Variants in TMPRSS9 observed in about 807,000 individuals in gnomAD.
TMPRSS9 encodes transmembrane protease serine 9.
Under a neutral mutation model 111.4 loss-of-function variants are expected in TMPRSS9, and 113 were observed. That is an observed-to-expected ratio of 1.01 (90% CI 0.87 to 1.19). TMPRSS9 has a LOEUF of 1.19. TMPRSS9 is among the 50% of genes most tolerant of loss of function. TMPRSS9 has a pLI of 0.00. For missense variants in TMPRSS9, 1,803 were observed against 1,513.1 expected (o/e 1.19, Z -3.18); for synonymous variants, 805 against 659.1 (o/e 1.22, Z -3.39).
In TMPRSS9 at chr19:2,361,475, C is replaced by T. The variant is rs1057073520; in HGVS notation, c.-26+1115C>T. ...ACCCTCGGAGCCGCTTCTGAGTAAA[C>T]ACACACTGGGATGTAACAATTGGAG... On this transcript the variant is annotated intron_variant, in intron 1 of 17. Transcript: ENST00000649857. 1.1e-3 allele frequency among the ~76,000 whole-genome samples: 172 copies of T among 152,082 alleles called. 4 individuals are homozygous for T. In the East Asian group the frequency reaches 0.033, roughly 29 times the overall value.
In TMPRSS9 at chr19:2,425,352, C is replaced by A; in HGVS notation, c.2984-5C>A. ...ACCCGCCCCGTCTCGCTCGCCCGCC[C>A]GCAGGCTCCATGGCGCGGCAGCTGC... On this transcript the variant is annotated splice_polypyrimidine_tract_variant and splice_region_variant and intron_variant, in intron 16 of 17. Coordinates refer to ENST00000648592, the Ensembl canonical transcript of TMPRSS9. The A allele has an allele frequency of 6.7e-7, 1 of 1,490,950 alleles. No homozygotes were observed. The highest frequency in any genetic ancestry group is 8.9e-7 in the Non-Finnish European group (1 of 1,126,674). 92.4% of individuals were successfully genotyped at this position (1,490,950 alleles called of 1,614,324 possible). A position where few individuals can be genotyped will look rare whatever the true frequency, so the allele number is the denominator to read the frequency against.
At chr19:2,382,872 G>A (rs10404148) in intron 1 of TMPRSS9, among the ~76,000 whole-genome samples, 52,738 of 151,998 alleles carry the variant, frequency 0.35, 9,647 homozygotes, top group East Asian at 0.56. Context: ...AGGGGCTGCA[G>A]GTCTGGAATC....
intron 1 of TMPRSS9, 44 bp from the exon 3 acceptor site, chr19:2,396,495 C>A: frequency 1.3e-6 from 2 of 1,542,886 alleles, no homozygotes; most frequent in Non-Finnish European, 1.8e-6. Flanking sequence ...GAGCCCTGAG[C>A]CCCCAAAGGT....
At chr19:2,367,486 C>T (rs1222835265) in intron 1 of TMPRSS9, among the ~76,000 whole-genome samples, 6 of 152,020 alleles carry the variant, frequency 3.9e-5, no homozygotes, top group Admixed American at 3.9e-4. Flanking sequence ...CCTCTGCCTC[C>T]TGGGTTCAAG....
intron 1 of TMPRSS9, among the ~76,000 whole-genome samples, chr19:2,379,334 C>T (rs191369150): frequency 0.028 from 4,284 of 151,632 alleles, 84 homozygotes; most frequent in Non-Finnish European, 0.043. Flanking sequence ...TACAGGTGCC[C>T]GCCACCACGC....
At chr19:2,364,903 C>T (rs931294518) in intron 1 of TMPRSS9, among the ~76,000 whole-genome samples, 4 of 151,274 alleles carry the variant, frequency 2.6e-5, no homozygotes, top group Admixed American at 1.3e-4. Flanking sequence ...GGCGTGAACC[C>T]GGGAGGCAGA....
intron 2 of TMPRSS9, among the ~76,000 whole-genome samples, chr19:2,397,843 C>T (rs1376026928): frequency 7.1e-5 from 8 of 112,090 alleles, no homozygotes; most frequent in Non-Finnish European, 1.3e-4. Context: ...TTGCCTGAGC[C>T]CAGGAGGCAG....
At chr19:2,398,885 T>C in intron 3 of TMPRSS9, 23 bp downstream of exon 4, 2 of 1,529,422 alleles carry the variant, frequency 1.3e-6, no homozygotes, top group South Asian at 1.2e-5. Flanking sequence ...TTCCATTGGG[T>C]GAAGGAAACT....
chr19:2,422,123 T>C (rs759725597), exon 14 of TMPRSS9: 7 of 1,597,962 alleles, frequency 4.4e-6, no homozygotes, highest in Non-Finnish European at 6.0e-6. Context: ...GACCCACCCC[T>C]GGGGCTGCCA....
chr19:2,425,172 G>C lies in TMPRSS9; in HGVS notation c.2888G>C (p.Arg963Pro), dbSNP rs1165464311. 7.1e-6 allele frequency: 11 copies of C among 1,557,272 alleles called. No homozygotes were observed. In the Admixed American group the frequency reaches 2.0e-4, roughly 28 times the overall value. ...CTGGCGGGGCCGGTGCGTCGCAGCC[G>C]CCTGGTGCGTCCCATCTGCCTGCCC... Residue 963 changes from arginine (R) to proline (P), a missense_variant, in exon 16 of 18, where the codon CGC (arginine) becomes CCC (proline). Arg to Pro is a moderately radical substitution (Grantham distance 103). Transcript: ENST00000648592.
intron 1 of TMPRSS9, among the ~76,000 whole-genome samples, chr19:2,375,982 A>C (rs984743976): frequency 3.9e-5 from 6 of 152,148 alleles, no homozygotes; most frequent in South Asian, 2.1e-4. Context: ...CCAGATGCCC[A>C]GTAAACCATT....
intron 1 of TMPRSS9, among the ~76,000 whole-genome samples, chr19:2,384,158 C>G (rs1970424716): frequency 6.6e-6 from 1 of 152,160 alleles, no homozygotes; most frequent in Admixed American, 6.6e-5. Context: ...CTGTGGGTTT[C>G]TAATGGGGAA....
chr19:2,402,551 C>A (rs1033787252), intron 5 of TMPRSS9, among the ~76,000 whole-genome samples: 1 of 151,916 alleles, frequency 6.6e-6, no homozygotes, highest in Admixed American at 6.6e-5. Flanking sequence ...ACCAGCCTGA[C>A]CAACATGGAG....
chr19:2,401,007 G>C (rs1040328101), intron 4 of TMPRSS9, among the ~76,000 whole-genome samples: 35 of 151,384 alleles, frequency 2.3e-4, no homozygotes, highest in South Asian at 2.3e-3. Flanking sequence ...GGGCGCGGTG[G>C]CTTACGCCTG....
chr19:2,402,077 T>G, intron 5 of TMPRSS9, 61 bp downstream of exon 6: 1 of 1,557,744 alleles, frequency 6.4e-7, no homozygotes, highest in Non-Finnish European at 8.8e-7. Context: ...TTCCTAAGAC[T>G]CATTTCAAGG....
intron 9 of TMPRSS9, among the ~76,000 whole-genome samples, chr19:2,411,290 ACT>A (rs556455780): frequency 5.6e-4 from 55 of 98,614 alleles, no homozygotes; most frequent in African/African-American, 1.9e-3. Flanking sequence ...ACAAAGCAAG[ACT>A]CTGTCTCAAA....
At chr19:2,423,988 C>G (rs932928790) in intron 14 of TMPRSS9, 101 bp from the exon 16 acceptor site, 7 of 1,208,986 alleles carry the variant, frequency 5.8e-6, no homozygotes, top group Non-Finnish European at 7.3e-6. Flanking sequence ...AACCTACTCC[C>G]TGGGGCTCCC....
In TMPRSS9 at chr19:2,405,415, G is replaced by A. The variant is rs769337201; in HGVS notation, c.712G>A (p.Val238Met). Reference sequence around the variant, plus strand: ...TGCCTGGAGGATGGCCGGCAGGATCGTGGGCGGCATGGAAGCATCCCCGGG... The same window carrying A: ...TGCCTGGAGGATGGCCGGCAGGATCATGGGCGGCATGGAAGCATCCCCGGG... The change falls in exon 7 of 18, where the codon GTG becomes ATG. Residue 238 changes from valine to methionine, a missense_variant. Val to Met is a conservative substitution (Grantham distance 21). Coordinates refer to ENST00000648592, the Ensembl canonical transcript of TMPRSS9. 1.4e-5 allele frequency: 22 copies of A among 1,606,538 alleles called. No homozygotes were observed. Among genetic ancestry groups the A allele is most frequent in the Middle Eastern group, 1.7e-4 (1 of 6,056 alleles).
intron 13 of TMPRSS9, 111 bp from the exon 15 acceptor site, chr19:2,421,743 G>GC (rs1049894701): frequency 3.2e-6 from 4 of 1,258,642 alleles, no homozygotes; most frequent in African/African-American, 1.5e-5. Flanking sequence ...TGTGCCCTCT[G>GC]CCCCCCGCCC....
Sources: gnomAD v4.1 joint callset for allele counts (sites outside exome capture counted in the v4.1 genomes callset) on GRCh38, gnomAD v4.1.1 for gene constraint, MANE v1.5 for transcripts, NCBI Gene and HGNC (gene_info 2026-07-23, HGNC 2026-07-21) for gene names.